Variants in MYH13 observed in about 807,000 individuals in gnomAD.
MYH13 encodes the protein myosin heavy chain 13, also known as myosin-13.
A neutral mutation model predicts 232.1 loss-of-function variants in MYH13; 177 were observed. The ratio of observed to expected loss-of-function variants is 0.76; its 90% CI spans 0.67 to 0.86. The LOEUF (loss-of-function observed/expected upper bound fraction) is 0.86, where lower values mean the gene tolerates loss of function less well. Among genes scored for constraint, MYH13 ranks in the 40% least tolerant of loss-of-function variants. MYH13 has a pLI of 0.00. For missense variants in MYH13, 2,246 were observed against 2,405.9 expected, an observed-to-expected ratio of 0.93 and a Z score of 1.39; for synonymous variants, 884 against 923.5, an observed-to-expected ratio of 0.96 and a Z score of 0.78.
chr17:10,366,894 A>G (rs2096463614), intron 2 of MYH13, among the ~76,000 whole-genome samples: 1 of 152,184 alleles, frequency 6.6e-6, no homozygotes, highest in Non-Finnish European at 1.5e-5. Flanking sequence ...CCTTATTCAG[A>G]TAAGTTGCAT....
At chr17:10,363,203 C>T (rs1399435255) in intron 3 of MYH13, among the ~76,000 whole-genome samples, 4 of 150,432 alleles carry the variant, frequency 2.7e-5, no homozygotes, top group Non-Finnish European at 4.4e-5. Context: ...GCAAGAACAG[C>T]TACTAGGGAG....
intron 29 of MYH13, among the ~76,000 whole-genome samples, chr17:10,314,498 G>A (rs188521507): frequency 9.1e-4 from 138 of 152,012 alleles, no homozygotes; most frequent in African/African-American, 3.1e-3. Context: ...CCAAAGGACA[G>A]CCCGCTCCTG....
At chr17:10,333,745 G>GA (rs1266387575) in intron 18 of MYH13, among the ~76,000 whole-genome samples, 1 of 152,014 alleles carries the variant, frequency 6.6e-6, no homozygotes, top group Non-Finnish European at 1.5e-5. Flanking sequence ...AGTCTCTACA[G>GA]AAAAATACAA....
Position 10,309,258 on chromosome 17 carries a change from G to C in MYH13, c.5145C>G (p.Asp1715Glu). 1.2e-6 allele frequency: 2 copies of C among 1,613,508 alleles called. No individual in the cohort carries two copies. Among genetic ancestry groups the C allele is most frequent in the Non-Finnish European group, 1.7e-6 (2 of 1,179,806 alleles). ...CCTGGGAGTGCAGGAGCTGCACGCG[G>C]TCGCTGGCGTCCAGCAGCTCCTGCT... ...LSEQELLDAS[D>E]RVQLLHSQNT... The change falls in exon 35 of 41, where the codon GAC becomes GAG. Residue 1715 changes from aspartate (D) to glutamate (E), a missense_variant. Physicochemically the swap from Asp to Glu is conservative, Grantham distance 45. Coordinates refer to ENST00000252172, the MANE Select transcript of MYH13 (RefSeq NM_003802.3).
rs1906313304 is a variant in MYH13 at position 10,306,989 on chromosome 17, T to G, written c.5245A>C (p.Ile1749Leu). 6.2e-7 allele frequency: 1 copy of G among 1,613,898 alleles called. No individual in the cohort carries two copies. Among genetic ancestry groups the G allele is most frequent in the African/African-American group, 1.3e-5 (1 of 74,926 alleles). The stretch of plus-strand genomic sequence containing the variant: ...TCCTCTGCGTTCCTGGACTCCTGGA[T>G]CGAGTTCTCCACCTCTGCCTGGCAC... ...AQCQAEVENS[I>L]QESRNAEEKA... Residue 1749 changes from isoleucine to leucine, a missense_variant, in exon 36 of 41, where the codon ATC (isoleucine) becomes CTC (leucine). By Grantham distance (5) the Ile-to-Leu change is conservative. Coordinates refer to ENST00000252172, the MANE Select transcript of MYH13 (RefSeq NM_003802.3). The surrounding 1 kb of genome is among the most constrained non-coding windows in gnomAD (Gnocchi z 4.3).
intron 26 of MYH13, 66 bp downstream of exon 26, chr17:10,320,087 G>T: frequency 8.4e-7 from 1 of 1,189,366 alleles, no homozygotes; most frequent in Non-Finnish European, 1.2e-6. Flanking sequence ...AAACAAGGGG[G>T]AAGGAGTGAG....
At chr17:10,361,121 G>C (rs879329444) in intron 5 of MYH13, among the ~76,000 whole-genome samples, 11 of 152,134 alleles carry the variant, frequency 7.2e-5, no homozygotes, top group African/African-American at 2.4e-4. Context: ...AGAAATTGTG[G>C]TATTAGTCTT....
chr17:10,307,047 A>AT lies in MYH13; in HGVS notation c.5186dup (p.Asn1729LysfsTer9). ...TGTCAGCCTCCAGTTTTTTCTTGGTATTTATCAGGCTTGTGTTCTACAAGA... is the reference window on the plus strand; with the variant it reads ...TGTCAGCCTCCAGTTTTTTCTTGGTATTTTATCAGGCTTGTGTTCTACAAGA... On this transcript the variant is annotated frameshift_variant, in exon 36 of 41. Transcript: ENST00000252172. LOFTEE classifies it high-confidence loss of function. The AT allele has an allele frequency of 1.2e-6, 2 of 1,613,858 alleles. No homozygotes were observed. The highest frequency in any genetic ancestry group is 1.7e-6 in the Non-Finnish European group (2 of 1,179,864).
Position 10,330,537 on chromosome 17 carries a change from CAG to C in MYH13, c.2299-16_2299-15del. The C allele has an allele frequency of 1.9e-6, 3 of 1,597,394 alleles. No homozygotes were observed. The highest frequency in any genetic ancestry group is 2.6e-6 in the Non-Finnish European group (3 of 1,172,942). ...TTTGAAAAACACCTGCATTAAAAGA[CAG>C]AGGAGCCTTGATCTTTTTCCCCAGC... On this transcript the variant is annotated splice_polypyrimidine_tract_variant and intron_variant, in intron 20 of 40. Coordinates refer to ENST00000252172, the MANE Select transcript of MYH13 (RefSeq NM_003802.3).
chr17:10,365,038 A>AT (rs1018693926), intron 2 of MYH13, among the ~76,000 whole-genome samples: 4 of 151,452 alleles, frequency 2.6e-5, no homozygotes, highest in Non-Finnish European at 4.4e-5. Context: ...ACACCCAGCT[A>AT]TTTTTTTTAT....
In MYH13 at chr17:10,336,519, G is replaced by A. The variant is rs142588213; in HGVS notation, c.2057-3328C>T. On this transcript the variant is annotated intron_variant, in intron 18 of 40. Coordinates refer to ENST00000252172, the MANE Select transcript of MYH13 (RefSeq NM_003802.3). ...TGGCTCAGGAGAGACTGCCCTTCCC[G>A]GGGCTAGCCATTCCAGGAGATGGCA... Among the ~76,000 whole-genome samples, 49 of 152,196 alleles carry A rather than the reference G, an allele frequency of 3.2e-4. No homozygotes were observed. In the East Asian group the frequency reaches 6.8e-3, roughly 21 times the overall value.
rs2071798249 is a variant in MYH13 at position 10,362,100 on chromosome 17, A to G, written c.505+18T>C. 1 of 1,613,570 alleles carries G rather than the reference A, an allele frequency of 6.2e-7. No individual in the cohort carries two copies. The highest frequency in any genetic ancestry group is 8.5e-7 in the Non-Finnish European group (1 of 1,179,884). On this transcript the variant is annotated intron_variant, in intron 5 of 40. Coordinates refer to ENST00000252172, the MANE Select transcript of MYH13 (RefSeq NM_003802.3). ...CTAAGGATGGCTTCAAAAAATATGA[A>G]TCAAAGAAATTACTCACCAGTCAGC... is the stretch of plus-strand genomic sequence containing the variant.
rs201679615 is a variant in MYH13 at position 10,306,827 on chromosome 17, C to T, written c.5295+112G>A. The T allele has an allele frequency of 4.5e-6, 7 of 1,568,338 alleles. No homozygotes were observed. The East Asian group carries it at 1.3e-4, about 30-fold the overall frequency. ...CTCATTACATCTGTCTGGGAAGCCA[C>T]CACTAACCGATTGTTGTCATAAGAG... On this transcript the variant is annotated intron_variant, in intron 36 of 40. Transcript: ENST00000252172. The surrounding 1 kb of genome is among the most constrained non-coding windows in gnomAD (Gnocchi z 4.3).
intron 12 of MYH13, among the ~76,000 whole-genome samples, chr17:10,347,003 C>T (rs1484437204): frequency 1.3e-5 from 2 of 152,098 alleles, no homozygotes; most frequent in Admixed American, 6.6e-5. Flanking sequence ...CAATTTGCCT[C>T]CTAGATGCAG....
chr17:10,349,072 T>C (rs527930988), intron 12 of MYH13, among the ~76,000 whole-genome samples: 16 of 145,794 alleles, frequency 1.1e-4, no homozygotes, highest in African/African-American at 3.3e-4. Flanking sequence ...TCCCTTCCCT[T>C]CCCTTCTCCC....
At chr17:10,322,433 A>G (rs1336779026) in intron 23 of MYH13, among the ~76,000 whole-genome samples, 3 of 152,028 alleles carry the variant, frequency 2.0e-5, no homozygotes, top group East Asian at 1.9e-4. Flanking sequence ...AAAATTCAGA[A>G]CGGGAGTGCT....
In MYH13 at chr17:10,313,114, G is replaced by A. The variant is rs200854939; in HGVS notation, c.4181+44C>T. Reference sequence around the variant, plus strand: ...ATGAAGACTCCTGGTCCCTTGGCTTGTGTCCTCGGGCCCCCTCTGCTATTG... The same window carrying A: ...ATGAAGACTCCTGGTCCCTTGGCTTATGTCCTCGGGCCCCCTCTGCTATTG... On this transcript the variant is annotated intron_variant, in intron 30 of 40. Coordinates refer to ENST00000252172, the MANE Select transcript of MYH13 (RefSeq NM_003802.3). 47 of 1,612,824 alleles carry A rather than the reference G, an allele frequency of 2.9e-5. No homozygotes were observed. In the East Asian group the frequency reaches 1.0e-3, roughly 34 times the overall value.
Position 10,346,803 on chromosome 17 carries a change from A to G in MYH13, c.1145-5T>C. On this transcript the variant is annotated splice_region_variant and splice_polypyrimidine_tract_variant and intron_variant, in intron 12 of 40. Transcript: ENST00000252172. The stretch of plus-strand genomic sequence containing the variant: ...GGTATCCGGCTTTGTCAGCCACTGA[A>G]GGAAGAGAAAAAAATGGCATCATGC... 1 of 1,610,572 alleles carries G rather than the reference A, an allele frequency of 6.2e-7. No homozygotes were observed. Among genetic ancestry groups the G allele is most frequent in the Non-Finnish European group, 8.5e-7 (1 of 1,177,148 alleles).
Position 10,306,666 on chromosome 17 carries a change from C to T in MYH13, c.5296-37G>A, listed in dbSNP as rs764254241. On this transcript the variant is annotated intron_variant, in intron 36 of 40. Coordinates refer to ENST00000252172, the MANE Select transcript of MYH13 (RefSeq NM_003802.3). This position sits in a 1 kb window ranked among gnomAD's most constrained non-coding sequence, Gnocchi z 4.3. Reference sequence around the variant, plus strand: ...CACAGGACACATCAGAGGCCCTGTCCGCCCATCCCTACCCAGAGCTTGCAG... The same window carrying T: ...CACAGGACACATCAGAGGCCCTGTCTGCCCATCCCTACCCAGAGCTTGCAG... 209 of 1,611,758 alleles carry T rather than the reference C, an allele frequency of 1.3e-4. No homozygotes were observed. The highest frequency in any genetic ancestry group is 2.5e-4 in the East Asian group (11 of 44,878).
Sources: gnomAD v4.1 joint callset for allele counts (sites outside exome capture counted in the v4.1 genomes callset) on GRCh38, gnomAD v4.1.1 for gene constraint, Gnocchi (gnomAD v3.1) non-coding constraint, MANE v1.5 for transcripts, NCBI Gene and HGNC (gene_info 2026-07-23, HGNC 2026-07-21) for gene names.